The following PDE10A variants were observed in gnomAD, a reference collection of about 807,000 sequenced individuals.
PDE10A encodes cAMP and cAMP-inhibited cGMP 3',5'-cyclic phosphodiesterase 10A.
In PDE10A, 39 loss-of-function variants were observed where a neutral mutation model predicts 97.7. That is an observed-to-expected ratio of 0.40 (90% CI 0.31 to 0.52). The LOEUF (loss-of-function observed/expected upper bound fraction) is 0.52, where lower values mean the gene tolerates loss of function less well. Ranked by LOEUF, PDE10A falls within the 20% of genes least tolerant of loss-of-function variation. PDE10A has a pLI of 0.56. For synonymous variants in PDE10A, 371 were observed against 376.8 expected (o/e 0.98, Z 0.18); for missense variants, 731 against 1,047.8 (o/e 0.70, Z 4.17).
intron 1 of PDE10A, among the ~76,000 whole-genome samples, chr6:165,804,872 C>A (rs2128466167): frequency 6.6e-6 from 1 of 151,652 alleles, no homozygotes; most frequent in East Asian, 2.0e-4. Context: ...GAGTCACGCG[C>A]CAGCGCGCGG....
chr6:165,834,733 TG>T (rs111710459), intron 1 of PDE10A, among the ~76,000 whole-genome samples: 41,392 of 152,080 alleles, frequency 0.27, 6,022 homozygotes, highest in Middle Eastern at 0.36. Context: ...CAAGAGTGGC[TG>T]CCATCCAGAG....
At chr6:165,498,855 C>T (rs191283055) in intron 2 of PDE10A, among the ~76,000 whole-genome samples, 38 of 152,198 alleles carry the variant, frequency 2.5e-4, no homozygotes, top group Admixed American at 2.4e-3. Flanking sequence ...CTACTAACTT[C>T]ATTGGTACAT....
intron 5 of PDE10A, among the ~76,000 whole-genome samples, chr6:165,440,513 T>G (rs1278372486): frequency 6.6e-6 from 1 of 152,220 alleles, no homozygotes; most frequent in Non-Finnish European, 1.5e-5. Context: ...AGAGCATAGC[T>G]GCTCTTTGTA....
chr6:165,426,309 A>G (rs1258854586), intron 10 of PDE10A, among the ~76,000 whole-genome samples: 1 of 152,198 alleles, frequency 6.6e-6, no homozygotes, highest in Non-Finnish European at 1.5e-5. Context: ...ACAGTAATCA[A>G]GGAAGTGTAC....
chr6:165,778,678 A>C (rs1778261301), intron 1 of PDE10A, among the ~76,000 whole-genome samples: 1 of 152,218 alleles, frequency 6.6e-6, no homozygotes, highest in South Asian at 2.1e-4. Flanking sequence ...GCCATCAATA[A>C]CGGGTAAGGA....
intron 1 of PDE10A, among the ~76,000 whole-genome samples, chr6:165,831,371 CAAAAAAAAA>C (rs760962725): frequency 2.2e-5 from 1 of 44,802 alleles, no homozygotes; most frequent in Non-Finnish European, 3.7e-5. Flanking sequence ...GACTCTGTCT[CAAAAAAAAA>C]AAAAAAAAAA....
chr6:165,386,864 A>T (rs957400122), intron 17 of PDE10A, among the ~76,000 whole-genome samples: 2 of 151,704 alleles, frequency 1.3e-5, no homozygotes, highest in Admixed American at 6.6e-5. Context: ...ACAAAAAAAA[A>T]AATTAGCCGG....
In PDE10A at chr6:165,977,900, A is replaced by G. The variant is rs547086877; in HGVS notation, c.-615+9629T>C. Among the ~76,000 whole-genome samples the G allele has an allele frequency of 4.6e-5, 7 of 152,366 alleles. No homozygotes were observed. The East Asian group carries it at 1.2e-3, about 25-fold the overall frequency. The stretch of plus-strand genomic sequence containing the variant: ...TTGTGGAATAGTGATACAACAGAAT[A>G]TTACTTAGCACTTAAAAAGAGCAAG... On this transcript the variant is annotated intron_variant, in intron 1 of 19. Transcript: ENST00000366882.
chr6:165,662,383 T>C lies in PDE10A; in HGVS notation c.429A>G (p.Pro143=). The C allele has an allele frequency of 7.0e-6, 1 of 142,752 alleles. No individual in the cohort carries two copies. The highest frequency in any genetic ancestry group is 1.4e-5 in the Non-Finnish European group (1 of 69,322). The allele number at this position is 142,752 out of a possible 1,614,324, so 8.8% of individuals were successfully genotyped here. Residue 143 remains proline (P), a synonymous_variant, in exon 1 of 22, where the codon CCA becomes CCG. Coordinates refer to ENST00000539869, the MANE Select transcript of PDE10A (RefSeq NM_001385079.1). ...SSAFHLPVRL[P]GREGAAAAAA... Reference sequence around the variant, plus strand: ...CCGCCGCCGCTGCGCCCTCCCTTCCTGGGAGACGCACGGGGAGGTGAAAGG... The same window carrying C: ...CCGCCGCCGCTGCGCCCTCCCTTCCCGGGAGACGCACGGGGAGGTGAAAGG...
chr6:165,678,589 A>C (rs969721583), intron 1 of PDE10A, among the ~76,000 whole-genome samples: 1 of 151,996 alleles, frequency 6.6e-6, no homozygotes, highest in Non-Finnish European at 1.5e-5. Flanking sequence ...CGCCGCTTGG[A>C]AACAGTTTTC....
chr6:165,944,298 A>G (rs1783687879), intron 1 of PDE10A, among the ~76,000 whole-genome samples: 1 of 152,156 alleles, frequency 6.6e-6, no homozygotes, highest in South Asian at 2.1e-4. Flanking sequence ...CAGCCAAACC[A>G]TATCACCGTC....
chr6:165,614,716 A>G (rs984363119), intron 1 of PDE10A, among the ~76,000 whole-genome samples: 2 of 152,144 alleles, frequency 1.3e-5, no homozygotes, highest in East Asian at 1.9e-4. Context: ...GCACATAGAC[A>G]CTCAGAAAAA....
At chr6:165,802,229 C>T (rs571560072) in intron 1 of PDE10A, among the ~76,000 whole-genome samples, 1 of 152,310 alleles carries the variant, frequency 6.6e-6, no homozygotes, top group South Asian at 2.1e-4. Context: ...TTTGCACACT[C>T]CAGTGAGGTT....
intron 2 of PDE10A, among the ~76,000 whole-genome samples, chr6:165,506,666 G>C (rs757740664): frequency 6.6e-6 from 1 of 152,140 alleles, no homozygotes; most frequent in East Asian, 1.9e-4. Context: ...GCTTTGCCTT[G>C]ACACTTGGTT....
At chr6:165,448,572 C>T (rs1345192382) in intron 5 of PDE10A, among the ~76,000 whole-genome samples, 3 of 152,170 alleles carry the variant, frequency 2.0e-5, no homozygotes, top group Non-Finnish European at 4.4e-5. Context: ...TTTAATTCTA[C>T]TGTAGATCAT....
chr6:165,825,785 C>G (rs1449789135), intron 1 of PDE10A, among the ~76,000 whole-genome samples: 1 of 152,170 alleles, frequency 6.6e-6, no homozygotes, highest in Non-Finnish European at 1.5e-5. Context: ...TGCCTCTGCC[C>G]ACGGCCTATG....
chr6:165,743,291 T>C (rs533324275), intron 1 of PDE10A, among the ~76,000 whole-genome samples: 1 of 152,360 alleles, frequency 6.6e-6, no homozygotes, highest in Admixed American at 6.5e-5. Flanking sequence ...AGTGTTCCCA[T>C]ATGCCCATCA....
intron 18 of PDE10A, among the ~76,000 whole-genome samples, chr6:165,366,896 A>C (rs1192287362): frequency 6.6e-6 from 1 of 152,226 alleles, no homozygotes; most frequent in Non-Finnish European, 1.5e-5. Flanking sequence ...ACCTTCAGAG[A>C]AAGACAAGAG....
chr6:165,649,558 G>A (rs534183308), intron 1 of PDE10A, among the ~76,000 whole-genome samples: 19 of 152,216 alleles, frequency 1.2e-4, no homozygotes, highest in African/African-American at 3.6e-4. Context: ...CAGAGTTCTG[G>A]TCAGCCTAGA....
Sources: allele counts gnomAD v4.1 joint callset (sites outside exome capture counted in the v4.1 genomes callset), GRCh38; gene constraint gnomAD v4.1.1; transcripts MANE v1.5; gene names NCBI Gene and HGNC (gene_info 2026-07-23, HGNC 2026-07-21).